Variants in NBPF6 observed in about 807,000 individuals in gnomAD.
NBPF6 encodes NBPF member 6.
Under a neutral mutation model 20.8 loss-of-function variants are expected in NBPF6, and 2 were observed. The observed-to-expected ratio is 0.10, with a 90% confidence interval of 0.04 to 0.30. The LOEUF (loss-of-function observed/expected upper bound fraction) is 0.30, where lower values mean the gene tolerates loss of function less well. Among genes scored for constraint, NBPF6 ranks in the 10% least tolerant of loss-of-function variants. NBPF6 has a pLI of 1.00. For missense variants in NBPF6, 85 were observed against 260.3 expected, an observed-to-expected ratio of 0.33 and a Z score of 4.63; for synonymous variants, 24 against 100.0, an observed-to-expected ratio of 0.24 and a Z score of 4.53.
intron 3 of NBPF6, among the ~76,000 whole-genome samples, chr1:108,452,913 G>A (rs1652918743): frequency 1.4e-5 from 1 of 69,474 alleles, no homozygotes; most frequent in Non-Finnish European, 3.5e-5. Context: ...CATCTGTGAG[G>A]ATCTTACAGA....
chr1:108,468,879 A>G (rs1048949947), intron 14 of NBPF6, among the ~76,000 whole-genome samples: 2 of 135,274 alleles, frequency 1.5e-5, no homozygotes, highest in Non-Finnish European at 3.1e-5. Context: ...ATGCTCACTT[A>G]CATGGCCTGG....
At chr1:108,436,339 A>G in the NBPF6 span, among the ~76,000 whole-genome samples, 3 of 77,908 alleles carry the variant, frequency 3.9e-5, no homozygotes, top group East Asian at 7.9e-4. Flanking sequence ...GTGTTGGGAT[A>G]TGATCTCACA....
In NBPF6 at chr1:108,465,245, G is replaced by A. The variant is rs781645147; in HGVS notation, c.1481G>A (p.Arg494Gln). ...GTWSGDLSHH[R>Q]SEVQISQAQL... ...TGGAGTGGAGACTTGAGCCACCACC[G>A]GTCAGAGGTTCAAATTTCACAGGCA... The change falls in exon 13 of 15, where the codon CGG (arginine) becomes CAG (glutamine). Residue 494 changes from arginine (R) to glutamine (Q), a missense_variant. Around this residue, in one of 5 missense-constraint regions of NBPF6, gnomAD observed 43 missense variants for 97.3 expected, o/e 0.44. Transcript: ENST00000495380. The A allele has an allele frequency of 4.6e-4, 547 of 1,195,612 alleles. 54 individuals are homozygous for A. The highest frequency in any genetic ancestry group is 8.3e-4 in the Admixed American group (34 of 41,098). The allele number at this position is 1,195,612 out of a possible 1,614,324, so 74.1% of individuals were successfully genotyped here. A position where few individuals can be genotyped will look rare whatever the true frequency, so the allele number is the denominator to read the frequency against.
chr1:108,453,103 C>A, intron 3 of NBPF6, 78 bp from the exon 4 acceptor site: 9 of 187,128 alleles, frequency 4.8e-5, no homozygotes, highest in South Asian at 3.5e-4. Context: ...GACATTCTCA[C>A]AGAAACCTCT....
chr1:108,468,010 T>G (rs1653236897), intron 14 of NBPF6, among the ~76,000 whole-genome samples: 1 of 151,186 alleles, frequency 6.6e-6, no homozygotes, highest in Non-Finnish European at 1.5e-5. Flanking sequence ...TTTGGGAAAT[T>G]TACCTTTCCT....
At chr1:108,438,370 CA>C in the NBPF6 span, among the ~76,000 whole-genome samples, 2 of 61,896 alleles carry the variant, frequency 3.2e-5, 1 homozygote, top group Non-Finnish European at 7.5e-5. Flanking sequence ...ATAAACCTCC[CA>C]AAAAAAACAA....
chr1:108,451,823 G>A (rs1366509330), intron 2 of NBPF6, among the ~76,000 whole-genome samples: 2 of 54,636 alleles, frequency 3.7e-5, no homozygotes, highest in African/African-American at 9.8e-5. Flanking sequence ...TGACTGTATA[G>A]AAAATCACTA....
chr1:108,471,504 A>G lies in NBPF6; in HGVS notation c.*866A>G, dbSNP rs1292251654. 2.0e-5 allele frequency among the ~76,000 whole-genome samples: 3 copies of G among 152,172 alleles called. No individual in the cohort carries two copies. Among genetic ancestry groups the G allele is most frequent in the African/African-American group, 7.2e-5 (3 of 41,450 alleles). On this transcript the variant is annotated 3_prime_UTR_variant, in exon 15 of 15. Coordinates refer to ENST00000495380, the MANE Select transcript of NBPF6 (RefSeq NM_001143988.2). ...GCTCTGTCCCTTGTAAAGACACCTTATTTATAATTAAATTGGAAAGTGGTT... is the reference window on the plus strand; with the variant it reads ...GCTCTGTCCCTTGTAAAGACACCTTGTTTATAATTAAATTGGAAAGTGGTT...
chr1:108,465,414 GC>G lies in NBPF6; in HGVS notation c.1653del (p.Phe552SerfsTer6). On this transcript the variant is annotated frameshift_variant, in exon 13 of 15. Transcript: ENST00000495380. LOFTEE classifies it high-confidence loss of function. ...CCAATGCTGATTCTGGGAACCAATG[GC>G]CCTTCCAAGGTAGGGAAGGAAACGG... ...SANADSGNQW[P>X]FQELVLEPSL... 1.5e-6 allele frequency: 1 copy of G among 645,966 alleles called. No homozygotes were observed. Among genetic ancestry groups the G allele is most frequent in the Non-Finnish European group, 2.5e-6 (1 of 403,386 alleles). The allele number at this position is 645,966 out of a possible 1,614,324, so 40.0% of individuals were successfully genotyped here.
At chr1:108,469,800 T>G (rs1458089271) in intron 14 of NBPF6, among the ~76,000 whole-genome samples, 2 of 149,460 alleles carry the variant, frequency 1.3e-5, no homozygotes, top group African/African-American at 5.0e-5. Context: ...CCTGATGACC[T>G]TTGGACAAAA....
upstream of NBPF6, among the ~76,000 whole-genome samples, chr1:108,447,894 G>T (rs1478231702): frequency 6.8e-6 from 1 of 147,306 alleles, no homozygotes; most frequent in Non-Finnish European, 1.5e-5. Context: ...TAACTAATTT[G>T]CTCTTATAAG....
At chr1:108,437,764 A>AAGGT in the NBPF6 span, among the ~76,000 whole-genome samples, 1 of 32,906 alleles carries the variant, frequency 3.0e-5, no homozygotes, top group African/African-American at 9.6e-5. Flanking sequence ...GGAAGGAAGG[A>AAGGT]AGGGAGGGAG....
At chr1:108,447,786 A>G (rs1256712604), upstream of NBPF6, among the ~76,000 whole-genome samples, 1 of 141,826 alleles carries the variant, frequency 7.1e-6, no homozygotes, top group East Asian at 2.0e-4. Context: ...GTGCAGGATC[A>G]CGGCCAGGTC....
chr1:108,436,734 G>A, the NBPF6 span, among the ~76,000 whole-genome samples: 1 of 91,964 alleles, frequency 1.1e-5, no homozygotes, highest in African/African-American at 3.4e-5. Flanking sequence ...ATTTAAAAAT[G>A]TATATACTTT....
In NBPF6 at chr1:108,470,719, T is replaced by G; in HGVS notation, c.*81T>G. On this transcript the variant is annotated 3_prime_UTR_variant, in exon 15 of 15. Transcript: ENST00000495380. ...GCAAGTTTAAGTCCAAACACAATAC[T>G]GCAGGGGTCCTTCACTGAGGATTGA... 9.8e-7 allele frequency: 1 copy of G among 1,021,118 alleles called. No individual in the cohort carries two copies. Among genetic ancestry groups the G allele is most frequent in the South Asian group, 1.5e-5 (1 of 65,126 alleles). 63.3% of individuals were successfully genotyped at this position (1,021,118 alleles called of 1,614,324 possible).
the NBPF6 span, among the ~76,000 whole-genome samples, chr1:108,426,439 AAAT>A: frequency 1.3e-5 from 1 of 79,384 alleles, no homozygotes; most frequent in African/African-American, 5.0e-5. Context: ...ATAAATAAAT[AAAT>A]AAATAAACAA....
chr1:108,467,842 C>T (rs1653226520), intron 14 of NBPF6, among the ~76,000 whole-genome samples, 177 bp downstream of exon 14: 1 of 150,866 alleles, frequency 6.6e-6, no homozygotes, highest in Non-Finnish European at 1.5e-5. Context: ...CCTTCTCTAC[C>T]CATCTTCTCT....
chr1:108,448,583 AT>A (rs1227245346), upstream of NBPF6, among the ~76,000 whole-genome samples: 1 of 116,006 alleles, frequency 8.6e-6, no homozygotes, highest in African/African-American at 3.1e-5. Flanking sequence ...TTCTTCCAGC[AT>A]CACAGAAACC....
upstream of NBPF6, among the ~76,000 whole-genome samples, chr1:108,448,147 A>G (rs184129825): frequency 4.8e-5 from 7 of 145,168 alleles, 2 homozygotes; most frequent in African/African-American, 1.8e-4. Context: ...GTGAAGGAAG[A>G]GGACTGGATC....
Sources: gnomAD v4.1 joint callset for allele counts (sites outside exome capture counted in the v4.1 genomes callset) on GRCh38, gnomAD v4.1.1 for gene constraint, gnomAD v4.1.1 regional missense constraint, MANE v1.5 for transcripts, NCBI Gene and HGNC (gene_info 2026-07-23, HGNC 2026-07-21) for gene names.